MACROH2A2: variants seen among roughly 807,000 people sequenced by gnomAD.
The protein encoded by MACROH2A2 is core histone macro-H2A.2.
A neutral mutation model predicts 37.6 loss-of-function variants in MACROH2A2; 6 were observed. The ratio of observed to expected loss-of-function variants is 0.16; its 90% CI spans 0.09 to 0.32. MACROH2A2 has a LOEUF of 0.32. Ranked by LOEUF, MACROH2A2 falls within the 10% of genes least tolerant of loss-of-function variation. MACROH2A2 has a pLI of 1.00. For synonymous variants in MACROH2A2, 192 were observed against 202.7 expected (o/e 0.95, Z 0.45); for missense variants, 290 against 485.9 (o/e 0.60, Z 3.79).
intron 7 of MACROH2A2, among the ~76,000 whole-genome samples, chr10:70,102,537 T>G (rs1461585702): frequency 1.3e-5 from 2 of 151,984 alleles, no homozygotes; most frequent in African/African-American, 4.8e-5. Context: ...ACCAACATGG[T>G]GAAACCCCGT....
intron 2 of MACROH2A2, among the ~76,000 whole-genome samples, chr10:70,087,660 A>G (rs899146338): frequency 1.3e-5 from 2 of 152,236 alleles, no homozygotes; most frequent in African/African-American, 4.8e-5. Context: ...ATGGGTTCAC[A>G]GACAGCATTA....
intron 1 of MACROH2A2, among the ~76,000 whole-genome samples, chr10:70,073,084 G>A (rs188783445): frequency 3.3e-5 from 5 of 152,264 alleles, no homozygotes; most frequent in African/African-American, 1.2e-4. Context: ...TGTAGAAGCG[G>A]CGCTATGCCC....
At chr10:70,063,834 GA>G (rs1483346219) in intron 1 of MACROH2A2, among the ~76,000 whole-genome samples, 1 of 152,198 alleles carries the variant, frequency 6.6e-6, no homozygotes. Flanking sequence ...GAAATTTCCA[GA>G]AGACTGAAAG....
chr10:70,096,077 T>C (rs1170222898), intron 6 of MACROH2A2, among the ~76,000 whole-genome samples: 1 of 152,144 alleles, frequency 6.6e-6, no homozygotes, highest in East Asian at 1.9e-4. Flanking sequence ...GAAGTCTCCC[T>C]CAGCCCCACT....
In MACROH2A2 at chr10:70,075,896, C is replaced by T. The variant is rs2072137047; in HGVS notation, c.172+66C>T. 6.5e-6 allele frequency: 9 copies of T among 1,387,884 alleles called. No individual in the cohort carries two copies. In the South Asian group the frequency reaches 1.1e-4, roughly 17 times the overall value. 86.0% of individuals were successfully genotyped at this position (1,387,884 alleles called of 1,614,324 possible). On this transcript the variant is annotated intron_variant, in intron 2 of 8. Transcript: ENST00000373255. The surrounding 1 kb of genome is among the most constrained non-coding windows in gnomAD (Gnocchi z 5.0). Reference sequence around the variant, plus strand: ...CCCACCCTCCCCTGGGTCCCCCTCGCAGGCTGGGGAGGGATGCTCCAAATT... The same window carrying T: ...CCCACCCTCCCCTGGGTCCCCCTCGTAGGCTGGGGAGGGATGCTCCAAATT...
At chr10:70,081,496 C>T (rs1169614691) in intron 2 of MACROH2A2, among the ~76,000 whole-genome samples, 2 of 151,938 alleles carry the variant, frequency 1.3e-5, no homozygotes, top group Admixed American at 6.6e-5. Context: ...TGAGGAAAGC[C>T]AGAGGGTAAG....
chr10:70,101,869 C>T (rs908998329), intron 7 of MACROH2A2, among the ~76,000 whole-genome samples: 5 of 152,158 alleles, frequency 3.3e-5, no homozygotes, highest in Non-Finnish European at 7.4e-5. Context: ...TTTTGTTTAA[C>T]CGTTCATTTA....
chr10:70,074,032 T>C lies in MACROH2A2; in HGVS notation c.-59-1568T>C, dbSNP rs188272939. 2.2e-3 allele frequency among the ~76,000 whole-genome samples: 341 copies of C among 152,312 alleles called. 4 individuals carry two copies. The highest frequency in any genetic ancestry group is 7.8e-3 in the African/African-American group (325 of 41,570). ...ATATTAACACATTTCCTAGAAAATG[T>C]CATTTTCCTTTTCTTTGCTCCTGAC... On this transcript the variant is annotated intron_variant, in intron 1 of 8. Transcript: ENST00000373255.
chr10:70,072,921 C>T (rs1254585206), intron 1 of MACROH2A2, among the ~76,000 whole-genome samples: 1 of 152,286 alleles, frequency 6.6e-6, no homozygotes, highest in Non-Finnish European at 1.5e-5. Context: ...TGCACCACTG[C>T]ACTCCAGCCT....
rs527463003 is a variant in MACROH2A2, at chr10:70,073,597, A to G, written c.-59-2003A>G. Among the ~76,000 whole-genome samples, 72 of 152,280 alleles carry G rather than the reference A, an allele frequency of 4.7e-4. 1 individual carries two copies. The highest frequency in any genetic ancestry group is 1.7e-3 in the African/African-American group (72 of 41,548). On this transcript the variant is annotated intron_variant, in intron 1 of 8. Coordinates refer to ENST00000373255, the MANE Select transcript of MACROH2A2 (RefSeq NM_018649.3). ...ATGAGCATTTTAAATAATGTATATG[A>G]AGTATATACTAAAATGCCCCAAACT...
intron 4 of MACROH2A2, 42 bp downstream of exon 4, chr10:70,091,996 C>T (rs1202240472): frequency 1.0e-5 from 15 of 1,476,502 alleles, no homozygotes; most frequent in Non-Finnish European, 1.4e-5. Flanking sequence ...ACTCCCACTG[C>T]AATGGTCTGA....
intron 1 of MACROH2A2, among the ~76,000 whole-genome samples, chr10:70,071,443 T>C (rs1484826811): frequency 2.0e-5 from 3 of 152,150 alleles, no homozygotes; most frequent in Non-Finnish European, 4.4e-5. Flanking sequence ...AAAATCAGGA[T>C]GTTTAAGAGC....
chr10:70,083,182 G>T (rs1381091516), intron 2 of MACROH2A2, among the ~76,000 whole-genome samples: 1 of 152,136 alleles, frequency 6.6e-6, no homozygotes, highest in Admixed American at 6.5e-5. Flanking sequence ...GGTCCCAGGT[G>T]GGGAGGCACC....
Position 70,091,906 on chromosome 10 carries a change from G to A in MACROH2A2, c.429G>A (p.Lys143=). The A allele has an allele frequency of 6.2e-7, 1 of 1,614,032 alleles. No homozygotes were observed. The highest frequency in any genetic ancestry group is 8.5e-7 in the Non-Finnish European group (1 of 1,180,020). ...GAGGCAGGAAGGCCACGTCAGGCAA[G>A]AAGGGGGGGAAGAAATCCAAGGCTG... ...EKRGRKATSG[K]KGGKKSKAAK... The change falls in exon 4 of 9, where the codon AAG becomes AAA. Residue 143 remains lysine (K), a synonymous_variant. Transcript: ENST00000373255.
In MACROH2A2 at chr10:70,075,950, G is replaced by A. The variant is rs1564542632; in HGVS notation, c.172+120G>A. Reference sequence around the variant, plus strand: ...TTTTGGCTGGCTCAAGGCTACTGTGGGTGGTGACAGGGTTGCAACTGGCCT... The same window carrying A: ...TTTTGGCTGGCTCAAGGCTACTGTGAGTGGTGACAGGGTTGCAACTGGCCT... On this transcript the variant is annotated intron_variant, in intron 2 of 8. Transcript: ENST00000373255. This position sits in a 1 kb window ranked among gnomAD's most constrained non-coding sequence, Gnocchi z 5.0. 1.7e-5 allele frequency: 13 copies of A among 767,316 alleles called. No individual in the cohort carries two copies. Among genetic ancestry groups the A allele is most frequent in the Non-Finnish European group, 2.7e-5 (13 of 473,618 alleles). 47.5% of individuals were successfully genotyped at this position (767,316 alleles called of 1,614,324 possible). A position where few individuals can be genotyped will look rare whatever the true frequency, so the allele number is the denominator to read the frequency against.
intron 1 of MACROH2A2, among the ~76,000 whole-genome samples, chr10:70,069,775 C>G (rs770052402): frequency 6.6e-6 from 1 of 151,828 alleles, no homozygotes; most frequent in Non-Finnish European, 1.5e-5. Context: ...AGACAGTAGG[C>G]CTACACCGAG....
At chr10:70,082,732 C>T (rs530998048) in intron 2 of MACROH2A2, among the ~76,000 whole-genome samples, 7 of 152,114 alleles carry the variant, frequency 4.6e-5, no homozygotes, top group South Asian at 4.2e-4. Flanking sequence ...ATATGAGATA[C>T]CCAGAGTAGG....
chr10:70,067,072 A>G (rs2072083632), intron 1 of MACROH2A2, among the ~76,000 whole-genome samples: 1 of 152,224 alleles, frequency 6.6e-6, no homozygotes. Context: ...CCAGAAGCTC[A>G]ATGTTAATGA....
chr10:70,106,487 C>T (rs145306535), intron 7 of MACROH2A2, among the ~76,000 whole-genome samples: 1 of 152,096 alleles, frequency 6.6e-6, no homozygotes, highest in African/African-American at 2.4e-5. Context: ...TTTGACATTG[C>T]CAATAGGAAC....
Sources: allele counts gnomAD v4.1 joint callset (sites outside exome capture counted in the v4.1 genomes callset), GRCh38; gene constraint gnomAD v4.1.1; non-coding constraint Gnocchi (gnomAD v3.1); transcripts MANE v1.5; gene names NCBI Gene and HGNC (gene_info 2026-07-23, HGNC 2026-07-21).